Variants in TRIM24 observed in about 807,000 individuals in gnomAD.
TRIM24 encodes the protein tripartite motif containing 24.
In TRIM24, 29 loss-of-function variants were observed where a neutral mutation model predicts 123.9. The ratio of observed to expected loss-of-function variants is 0.23; its 90% CI spans 0.17 to 0.32. TRIM24 has a LOEUF of 0.32. TRIM24 is among the 10% of genes least tolerant of loss of function. TRIM24 has a pLI of 1.00. For missense variants in TRIM24, 932 were observed against 1,295.3 expected (o/e 0.72, Z 4.31); for synonymous variants, 456 against 461.1 (o/e 0.99, Z 0.14).
At chr7:138,543,889 C>A (rs1247627015) in intron 7 of TRIM24, among the ~76,000 whole-genome samples, 1 of 152,090 alleles carries the variant, frequency 6.6e-6, no homozygotes, top group East Asian at 1.9e-4. Context: ...GGCTAGAGTG[C>A]AGTGACATGA....
At position 138,581,759 on chromosome 7, in the gene TRIM24, T is replaced by C; in HGVS notation, c.2781T>C (p.Pro927=). 6.2e-7 allele frequency: 1 copy of C among 1,612,970 alleles called. No individual in the cohort carries two copies. The highest frequency in any genetic ancestry group is 8.5e-7 in the Non-Finnish European group (1 of 1,179,200). Residue 927 remains proline (P), a synonymous_variant, in exon 17 of 19, where the codon CCT becomes CCC. Coordinates refer to ENST00000343526, the MANE Select transcript of TRIM24 (RefSeq NM_015905.3). ...CHEMSLAFQD[P]VPLTVPDYYK... is the part of the protein sequence containing the mutation. ...AAATGAGCCTGGCTTTTCAAGACCC[T>C]GTTCCTCTAACTGTAAGTATTAATG...
At chr7:138,488,569 A>G (rs1795703293) in intron 1 of TRIM24, among the ~76,000 whole-genome samples, 1 of 152,196 alleles carries the variant, frequency 6.6e-6, no homozygotes, top group African/African-American at 2.4e-5. Context: ...ATTGGTTTCA[A>G]AGAACATCTT....
intron 1 of TRIM24, among the ~76,000 whole-genome samples, chr7:138,473,133 A>T (rs1795310331): frequency 6.6e-6 from 1 of 152,184 alleles, no homozygotes; most frequent in Non-Finnish European, 1.5e-5. Context: ...TACAAAAATT[A>T]ACCAGGCGTG....
intron 1 of TRIM24, among the ~76,000 whole-genome samples, chr7:138,462,251 A>G (rs764968212): frequency 6.6e-6 from 1 of 152,150 alleles, no homozygotes; most frequent in South Asian, 2.1e-4. Context: ...CCTCTCCTGT[A>G]GAGAAGGAAC....
chr7:138,582,916 G>A (rs1466499967), intron 17 of TRIM24, among the ~76,000 whole-genome samples: 1 of 152,142 alleles, frequency 6.6e-6, no homozygotes, highest in African/African-American at 2.4e-5. Flanking sequence ...GAAGTCGAGA[G>A]GCTTGTAACA....
chr7:138,475,857 CAA>C (rs1563024025), intron 1 of TRIM24, among the ~76,000 whole-genome samples: 1 of 151,588 alleles, frequency 6.6e-6, no homozygotes, highest in Non-Finnish European at 1.5e-5. Flanking sequence ...TCGAAAAACT[CAA>C]AGATTAGGAG....
chr7:138,535,970 C>A (rs190659134), intron 6 of TRIM24, among the ~76,000 whole-genome samples: 1 of 152,198 alleles, frequency 6.6e-6, no homozygotes, highest in Non-Finnish European at 1.5e-5. Flanking sequence ...TTCATTTGAT[C>A]TTCAATCACT....
chr7:138,501,128 C>T (rs991550300), intron 1 of TRIM24, among the ~76,000 whole-genome samples: 5 of 152,180 alleles, frequency 3.3e-5, no homozygotes, highest in African/African-American at 7.2e-5. Flanking sequence ...GGCTTGTTTA[C>T]ACCAGCATCA....
At chr7:138,484,102 T>C (rs1795592804) in intron 1 of TRIM24, among the ~76,000 whole-genome samples, 1 of 151,872 alleles carries the variant, frequency 6.6e-6, no homozygotes, top group Admixed American at 6.6e-5. Context: ...ATCTTTTTGA[T>C]CATAAATAGA....
Position 138,508,449 on chromosome 7 carries a change from G to A in TRIM24, c.483+4041G>A, listed in dbSNP as rs535260214. Among the ~76,000 whole-genome samples, 106 of 152,120 alleles carry A rather than the reference G, an allele frequency of 7.0e-4. 1 individual carries two copies. Among genetic ancestry groups the A allele is most frequent in the Non-Finnish European group, 1.4e-3 (93 of 67,980 alleles). ...TGCCAAGATCCTGTATTTCATTAGG[G>A]CTTTGAAAAATAGTGACATTTTTAT... On this transcript the variant is annotated intron_variant, in intron 2 of 18. Transcript: ENST00000343526.
chr7:138,527,552 C>A lies in TRIM24; in HGVS notation c.882-1564C>A, dbSNP rs190893015. ...GGTTGCTTCTCAGGCTTATCTGGTT[C>A]CCTTGATCCTGTAGTAATGTTGATG... On this transcript the variant is annotated intron_variant, in intron 5 of 18. Transcript: ENST00000343526. 1.8e-3 allele frequency among the ~76,000 whole-genome samples: 273 copies of A among 152,178 alleles called. 18 individuals are homozygous for A. Among genetic ancestry groups the A allele is most frequent in the Admixed American group, 0.018 (272 of 15,288 alleles).
chr7:138,556,556 T>C (rs1226373527), intron 9 of TRIM24, among the ~76,000 whole-genome samples: 2 of 152,236 alleles, frequency 1.3e-5, no homozygotes, highest in Non-Finnish European at 2.9e-5. Context: ...TAGGGGGAAA[T>C]AGGCTCCTCT....
chr7:138,584,961 C>G lies in TRIM24; in HGVS notation c.*10C>G. On this transcript the variant is annotated 3_prime_UTR_variant, in exon 19 of 19. Transcript: ENST00000343526. ...CCAGTTGCTTAAATAATATGCAGCACCACTAGCTTGTGCTGGTTTTTAGAT... is the reference window on the plus strand; with the variant it reads ...CCAGTTGCTTAAATAATATGCAGCAGCACTAGCTTGTGCTGGTTTTTAGAT... 1 of 1,581,850 alleles carries G rather than the reference C, an allele frequency of 6.3e-7. No homozygotes were observed. The highest frequency in any genetic ancestry group is 8.6e-7 in the Non-Finnish European group (1 of 1,169,432).
At chr7:138,561,562 G>A (rs372328127) in intron 9 of TRIM24, among the ~76,000 whole-genome samples, 1 of 152,298 alleles carries the variant, frequency 6.6e-6, no homozygotes, top group Non-Finnish European at 1.5e-5. Flanking sequence ...CTGCCCTAGA[G>A]TCAGTTGGTC....
intron 2 of TRIM24, among the ~76,000 whole-genome samples, chr7:138,510,109 G>A (rs1796254505): frequency 1.3e-5 from 2 of 152,220 alleles, no homozygotes; most frequent in African/African-American, 4.8e-5. Flanking sequence ...AGCATCACTA[G>A]TGTGATGCTC....
intron 2 of TRIM24, among the ~76,000 whole-genome samples, chr7:138,506,593 A>C (rs1242294121): frequency 6.6e-6 from 1 of 152,212 alleles, no homozygotes; most frequent in Non-Finnish European, 1.5e-5. Flanking sequence ...TGAGAGTTAA[A>C]GGGATTCTAA....
At chr7:138,488,654 G>A (rs537999753) in intron 1 of TRIM24, among the ~76,000 whole-genome samples, 70 of 152,194 alleles carry the variant, frequency 4.6e-4, no homozygotes, top group African/African-American at 1.6e-3. Context: ...GTAGTTGTGC[G>A]GTTTTAAGTG....
rs1798070827 is a variant in TRIM24 at position 138,589,545 on chromosome 7, G to T, written c.*4594G>T. On this transcript the variant is annotated 3_prime_UTR_variant, in exon 19 of 19. Coordinates refer to ENST00000343526, the MANE Select transcript of TRIM24 (RefSeq NM_015905.3). ...CATAAATAGCTGTAATAGGAAAACA[G>T]TTTTTTAAAATTCTAACACGTGTAT... The T allele has an allele frequency of 6.6e-6, 1 of 152,086 alleles. No homozygotes were observed. The highest frequency in any genetic ancestry group is 2.4e-5 in the African/African-American group (1 of 41,396). The allele number at this position is 152,086 out of a possible 1,614,324, so 9.4% of individuals were successfully genotyped here.
At chr7:138,476,136 G>C (rs964320907) in intron 1 of TRIM24, among the ~76,000 whole-genome samples, 4 of 152,164 alleles carry the variant, frequency 2.6e-5, no homozygotes, top group African/African-American at 9.7e-5. Flanking sequence ...GTTCAAGATA[G>C]ATCAACTGGA....
Sources: allele counts gnomAD v4.1 joint callset (sites outside exome capture counted in the v4.1 genomes callset), GRCh38; gene constraint gnomAD v4.1.1; transcripts MANE v1.5; gene names NCBI Gene and HGNC (gene_info 2026-07-23, HGNC 2026-07-21).